SIRPD: variants seen among roughly 807,000 people sequenced by gnomAD.
SIRPD encodes signal-regulatory protein delta.
Under a neutral mutation model 18.0 loss-of-function variants are expected in SIRPD, and 21 were observed. The observed-to-expected ratio is 1.17, with a 90% CI of 0.83 to 1.68. The LOEUF (loss-of-function observed/expected upper bound fraction) is 1.68. Among genes scored for constraint, SIRPD ranks in the 40% most tolerant of loss-of-function variants. SIRPD has a pLI of 0.00. For synonymous variants in SIRPD, 106 were observed against 92.9 expected, an observed-to-expected ratio of 1.14 and a Z score of -0.81; for missense variants, 295 against 238.4, an observed-to-expected ratio of 1.24 and a Z score of -1.56.
At chr20:1,544,603 T>C (rs1426131337) in intron 2 of SIRPD, among the ~76,000 whole-genome samples, 2 of 152,182 alleles carry the variant, frequency 1.3e-5, no homozygotes, top group African/African-American at 2.4e-5. Context: ...AATTGGGGCA[T>C]TTAGCCCATT....
intron 2 of SIRPD, among the ~76,000 whole-genome samples, chr20:1,548,030 G>C (rs977738113): frequency 1.3e-5 from 2 of 152,162 alleles, no homozygotes; most frequent in African/African-American, 4.8e-5. Flanking sequence ...TTTGTCAATA[G>C]AGATAGTTTT....
intron 2 of SIRPD, among the ~76,000 whole-genome samples, chr20:1,541,655 T>A (rs1568666736): frequency 6.6e-6 from 1 of 152,236 alleles, no homozygotes; most frequent in Non-Finnish European, 1.5e-5. Context: ...AGATCCCATT[T>A]GTCAATTTTG....
intron 2 of SIRPD, among the ~76,000 whole-genome samples, chr20:1,539,125 G>A (rs1186618283): frequency 6.6e-6 from 1 of 152,102 alleles, no homozygotes; most frequent in Non-Finnish European, 1.5e-5. Flanking sequence ...GGGATTTAAG[G>A]CTATAAATTC....
intron 2 of SIRPD, chr20:1,540,249 A>G (rs962420148): frequency 4.4e-6 from 2 of 455,486 alleles, no homozygotes; most frequent in African/African-American, 4.0e-5. Flanking sequence ...CTCTCCTAGA[A>G]CCTCCAGAAG....
At chr20:1,537,115 GCATCC>G in intron 3 of SIRPD, 35 bp downstream of exon 3, 1 of 1,599,386 alleles carries the variant, frequency 6.3e-7, no homozygotes, top group South Asian at 1.1e-5. Flanking sequence ...ACTCAGGAGA[GCATCC>G]CTGCATCATG....
chr20:1,545,558 A>G (rs1191526518), intron 2 of SIRPD, among the ~76,000 whole-genome samples: 1 of 152,166 alleles, frequency 6.6e-6, no homozygotes, highest in Non-Finnish European at 1.5e-5. Flanking sequence ...ATTGGGTTAG[A>G]ACATGCTCTT....
In SIRPD at chr20:1,552,045, A is replaced by G; in HGVS notation, c.74-7T>C. 1 of 1,607,654 alleles carries G rather than the reference A, an allele frequency of 6.2e-7. No individual in the cohort carries two copies. The highest frequency in any genetic ancestry group is 8.5e-7 in the Non-Finnish European group (1 of 1,175,464). On this transcript the variant is annotated splice_polypyrimidine_tract_variant and splice_region_variant and intron_variant, in intron 1 of 3. Coordinates refer to ENST00000381623, the MANE Select transcript of SIRPD (RefSeq NM_178460.3). ...TGGAACACATGTGTGACTCCTGGAA[A>G]AAAGCTGAAAATCATTTCTCATTTC...
chr20:1,545,347 A>G (rs1290000499), intron 2 of SIRPD, among the ~76,000 whole-genome samples: 1 of 151,948 alleles, frequency 6.6e-6, no homozygotes, highest in African/African-American at 2.4e-5. Context: ...TTGTCTTCAT[A>G]CTTTATTTCA....
chr20:1,534,450 C>T lies in SIRPD; in HGVS notation c.578-9G>A. 6.2e-7 allele frequency: 1 copy of T among 1,609,030 alleles called. No homozygotes were observed. Among genetic ancestry groups the T allele is most frequent in the Non-Finnish European group, 8.5e-7 (1 of 1,177,130 alleles). On this transcript the variant is annotated splice_polypyrimidine_tract_variant and intron_variant, in intron 3 of 3. Transcript: ENST00000381623. The stretch of plus-strand genomic sequence containing the variant: ...TTATTTTGACAGCAAGCCTGAAATA[C>T]AATAAAAATAAAATAAAATAAAACA...
chr20:1,545,564 C>G (rs1220626355), intron 2 of SIRPD, among the ~76,000 whole-genome samples: 1 of 152,192 alleles, frequency 6.6e-6, no homozygotes, highest in East Asian at 1.9e-4. Context: ...TTAGAACATG[C>G]TCTTTTAGCA....
chr20:1,544,781 C>T (rs775087348), intron 2 of SIRPD, among the ~76,000 whole-genome samples: 2 of 152,110 alleles, frequency 1.3e-5, no homozygotes, highest in Non-Finnish European at 2.9e-5. Context: ...ATATTTAGTA[C>T]TTCCTTCAGG....
At chr20:1,546,233 C>G (rs1398445416) in intron 2 of SIRPD, among the ~76,000 whole-genome samples, 1 of 152,224 alleles carries the variant, frequency 6.6e-6, no homozygotes, top group Admixed American at 6.5e-5. Context: ...GCCCCTTCCC[C>G]CCGGTGCTCT....
At chr20:1,553,606 A>G (rs2249549) in intron 1 of SIRPD, among the ~76,000 whole-genome samples, 130,367 of 152,146 alleles carry the variant, frequency 0.86, 56,097 homozygotes, top group Middle Eastern at 0.96. Flanking sequence ...GCCTTCTAGG[A>G]CCCAGTTTTC....
At position 1,534,292 on chromosome 20, in the gene SIRPD, T is replaced by C; in HGVS notation, c.*133A>G. 1.6e-6 allele frequency: 2 copies of C among 1,213,348 alleles called. No homozygotes were observed. The highest frequency in any genetic ancestry group is 2.4e-6 in the Non-Finnish European group (2 of 843,330). 75.2% of individuals were successfully genotyped at this position (1,213,348 alleles called of 1,614,324 possible). ...AGACAGATTTATTGTACGATCAAGC[T>C]GGCATTTTATGTCAGTGGAAGAAAG... On this transcript the variant is annotated 3_prime_UTR_variant, in exon 4 of 4. Coordinates refer to ENST00000381623, the MANE Select transcript of SIRPD (RefSeq NM_178460.3).
rs370423888 is a variant in SIRPD, at chr20:1,551,686, C to T, written c.421+5G>A. On this transcript the variant is annotated splice_donor_5th_base_variant and intron_variant, in intron 2 of 3. Transcript: ENST00000381623. ...GGGGGTATGGGGTATAGGAGACATA[C>T]TCACCAGTAACAAACACCTGAGTGC... 2.7e-5 allele frequency: 44 copies of T among 1,607,508 alleles called. No homozygotes were observed. In the African/African-American group the frequency reaches 5.3e-4, roughly 20 times the overall value.
chr20:1,550,531 T>C (rs1402468567), intron 2 of SIRPD, among the ~76,000 whole-genome samples: 1 of 152,174 alleles, frequency 6.6e-6, no homozygotes, highest in Non-Finnish European at 1.5e-5. Context: ...CTTGGTAACA[T>C]TAAGCCCTAA....
In SIRPD at chr20:1,557,610, A is replaced by G. The variant is rs1159085204; in HGVS notation, c.44T>C (p.Leu15Ser). 2 of 1,600,378 alleles carry G rather than the reference A, an allele frequency of 1.2e-6. No individual in the cohort carries two copies. The highest frequency in any genetic ancestry group is 1.7e-6 in the Non-Finnish European group (2 of 1,173,424). ...CAGTTCAAGCAGCAGATACAGCAGTAAGGAAGGCAGAGGTGGGTGGAGTGG... is the reference window on the plus strand; with the variant it reads ...CAGTTCAAGCAGCAGATACAGCAGTGAGGAAGGCAGAGGTGGGTGGAGTGG... ...ASPLHPPLPSLLLYLLLELAG... is the reference protein window; with the variant it reads ...ASPLHPPLPSSLLYLLLELAG... The change falls in exon 1 of 4, where the codon TTA (leucine) becomes TCA (serine). Residue 15 changes from leucine to serine, a missense_variant. Physicochemically the swap from Leu to Ser is moderately radical, Grantham distance 145 (BLOSUM62 -2). Coordinates refer to ENST00000381623, the MANE Select transcript of SIRPD (RefSeq NM_178460.3).
At position 1,551,724 on chromosome 20, in the gene SIRPD, G is replaced by T. The variant is rs1350361235; in HGVS notation, c.388C>A (p.Gln130Lys). 6.2e-7 allele frequency: 1 copy of T among 1,613,920 alleles called. No individual in the cohort carries two copies. Residue 130 changes from glutamine to lysine, a missense_variant, in exon 2 of 4, where the codon CAA becomes AAA. By Grantham distance (53) the Gln-to-Lys change is moderately conservative. Coordinates refer to ENST00000381623, the MANE Select transcript of SIRPD (RefSeq NM_178460.3). ...FIKGRAIKEYQSGRGTQVFVT... is the reference protein window; with the variant it reads ...FIKGRAIKEYKSGRGTQVFVT... ...AACACCTGAGTGCCCCGACCTGATT[G>T]GTACTCCTTGATAGCTCTTCCTTTT...
intron 3 of SIRPD, among the ~76,000 whole-genome samples, chr20:1,534,943 ATCAG>A (rs1374388284): frequency 6.6e-6 from 1 of 152,240 alleles, no homozygotes; most frequent in African/African-American, 2.4e-5. Context: ...AAAAGAAACA[ATCAG>A]ACAAGGGTGA....
Sources: gnomAD v4.1 joint callset for allele counts (sites outside exome capture counted in the v4.1 genomes callset) on GRCh38, gnomAD v4.1.1 for gene constraint, MANE v1.5 for transcripts, NCBI Gene and HGNC (gene_info 2026-07-23, HGNC 2026-07-21) for gene names.